INVS: variants seen among roughly 807,000 people sequenced by gnomAD.
INVS encodes inversin, also known as inversion of embryo turning homolog.
Under a neutral mutation model 108.8 loss-of-function variants are expected in INVS, and 86 were observed. The ratio of observed to expected loss-of-function variants is 0.79; its 90% confidence interval spans 0.66 to 0.95. The LOEUF (loss-of-function observed/expected upper bound fraction) is 0.95. INVS is among the 40% of genes least tolerant of loss of function. The pLI is 0.00. For missense variants in INVS, 1,169 were observed against 1,297.4 expected (o/e 0.90, Z 1.52); for synonymous variants, 455 against 473.5 (o/e 0.96, Z 0.51).
chr9:100,239,211 A>G (rs939291557), intron 5 of INVS, among the ~76,000 whole-genome samples: 3 of 152,252 alleles, frequency 2.0e-5, no homozygotes, highest in Non-Finnish European at 4.4e-5. Context: ...ATTGTCTGTA[A>G]TAGTGAAAAA....
intron 2 of INVS, among the ~76,000 whole-genome samples, chr9:100,109,295 AATG>A (rs1174615172): frequency 9.6e-4 from 146 of 152,360 alleles, no homozygotes; most frequent in African/African-American, 3.4e-3. Context: ...TAAATGAAAT[AATG>A]ACAGTAAAAT....
intron 3 of INVS, among the ~76,000 whole-genome samples, chr9:100,165,679 C>G (rs956000653): frequency 6.6e-6 from 1 of 152,096 alleles, no homozygotes; most frequent in Non-Finnish European, 1.5e-5. Context: ...TTTACTATAT[C>G]AATCCATTGA....
At chr9:100,140,522 G>A (rs185268316) in intron 3 of INVS, among the ~76,000 whole-genome samples, 311 of 152,232 alleles carry the variant, frequency 2.0e-3, no homozygotes, top group Middle Eastern at 0.017. Context: ...GGCAGGAACC[G>A]GCCATCTGGA....
At chr9:100,150,644 G>T (rs536510053) in intron 3 of INVS, among the ~76,000 whole-genome samples, 1 of 152,166 alleles carries the variant, frequency 6.6e-6, no homozygotes, top group East Asian at 1.9e-4. Flanking sequence ...ATGTCATAGG[G>T]CCATTATTTG....
At chr9:100,128,218 G>GT (rs1285683995) in intron 3 of INVS, among the ~76,000 whole-genome samples, 3 of 152,152 alleles carry the variant, frequency 2.0e-5, no homozygotes, top group Middle Eastern at 3.4e-3. Flanking sequence ...GTTTTCTTTA[G>GT]TTTTTTTGTT....
chr9:100,202,537 T>G (rs1399714986), intron 3 of INVS, among the ~76,000 whole-genome samples: 2 of 152,174 alleles, frequency 1.3e-5, no homozygotes, highest in East Asian at 3.8e-4. Flanking sequence ...TCCTAAATGT[T>G]TTCATCTCTT....
intron 5 of INVS, among the ~76,000 whole-genome samples, chr9:100,235,081 G>A (rs1377717084): frequency 2.0e-5 from 3 of 152,104 alleles, no homozygotes; most frequent in South Asian, 2.1e-4. Flanking sequence ...AGGATAGTTC[G>A]CTCTTCTTGT....
At chr9:100,117,327 T>C in intron 2 of INVS, 1 of 731,708 alleles carries the variant, frequency 1.4e-6, no homozygotes, top group Non-Finnish European at 2.5e-6. Context: ...ATCTCGTCCT[T>C]GAGAGAGGCC....
intron 10 of INVS, 99 bp from the exon 11 acceptor site, chr9:100,264,723 G>T: frequency 1.2e-6 from 1 of 828,726 alleles, no homozygotes; most frequent in Non-Finnish European, 2.1e-6. Context: ...TAAGCAATTT[G>T]GAAAAATGAT....
At chr9:100,130,337 A>G (rs1172381815) in intron 3 of INVS, 7 of 152,114 alleles carry the variant, frequency 4.6e-5, no homozygotes, top group Non-Finnish European at 7.4e-5. Context: ...TGATCAGTGT[A>G]TTTTAGGGGG....
intron 1 of INVS, chr9:100,101,271 T>A (rs1009187969): frequency 1.3e-5 from 2 of 151,010 alleles, no homozygotes; most frequent in Admixed American, 6.7e-5. Flanking sequence ...GTGAACATGG[T>A]CTAACCTTAT....
At chr9:100,287,582 T>C (rs78163998) in intron 13 of INVS, among the ~76,000 whole-genome samples, 4,727 of 152,262 alleles carry the variant, frequency 0.031, 256 homozygotes, top group African/African-American at 0.11. Context: ...AATTGGATCA[T>C]GATAGTGAGT....
At chr9:100,190,674 G>A (rs185009239) in intron 3 of INVS, among the ~76,000 whole-genome samples, 2 of 152,250 alleles carry the variant, frequency 1.3e-5, no homozygotes, top group East Asian at 3.9e-4. Context: ...TCTGTTGAAG[G>A]AGGCTAAAGA....
chr9:100,234,536 C>T (rs1831617059), intron 5 of INVS, among the ~76,000 whole-genome samples: 1 of 152,146 alleles, frequency 6.6e-6, no homozygotes, highest in South Asian at 2.1e-4. Context: ...ACTGCTTTAG[C>T]TGTGTCCCGC....
At chr9:100,156,279 G>C (rs1164257241) in intron 3 of INVS, among the ~76,000 whole-genome samples, 1 of 43,374 alleles carries the variant, frequency 2.3e-5, no homozygotes, top group Non-Finnish European at 4.3e-5. Context: ...TTTTTTTTTT[G>C]AGACAGGGTC....
chr9:100,138,416 T>A (rs987656680), intron 3 of INVS, among the ~76,000 whole-genome samples: 9 of 151,664 alleles, frequency 5.9e-5, no homozygotes, highest in Admixed American at 2.0e-4. Flanking sequence ...CAAAAAAAAA[T>A]TTTATATATA....
chr9:100,153,596 A>T (rs1397204233), intron 3 of INVS, among the ~76,000 whole-genome samples: 1 of 152,224 alleles, frequency 6.6e-6, no homozygotes, highest in Admixed American at 6.5e-5. Flanking sequence ...AAGGAAATGG[A>T]AATGGTTTCC....
At chr9:100,246,990 A>C (rs986722031) in intron 8 of INVS, among the ~76,000 whole-genome samples, 1 of 152,018 alleles carries the variant, frequency 6.6e-6, no homozygotes, top group Non-Finnish European at 1.5e-5. Flanking sequence ...AAAGATTAGC[A>C]TGTTTCTACC....
chr9:100,243,157 A>C (rs1233292760), intron 7 of INVS, among the ~76,000 whole-genome samples: 1 of 152,144 alleles, frequency 6.6e-6, no homozygotes, highest in African/African-American at 2.4e-5. Context: ...CTTTTATAGC[A>C]CTAAGAACAT....
Sources: allele counts gnomAD v4.1 joint callset (sites outside exome capture counted in the v4.1 genomes callset), GRCh38; gene constraint gnomAD v4.1.1; transcripts MANE v1.5; gene names NCBI Gene and HGNC (gene_info 2026-07-23, HGNC 2026-07-21).